The following CSRNP3 variants were observed in gnomAD, a reference collection of about 807,000 sequenced individuals.
The protein encoded by CSRNP3 is cysteine/serine-rich nuclear protein 3.
CSRNP3 carries 12 observed loss-of-function variants against 48.0 expected under a neutral mutation model. The ratio of observed to expected loss-of-function variants is 0.25; its 90% CI spans 0.16 to 0.41. The LOEUF (loss-of-function observed/expected upper bound fraction) is 0.41, where lower values mean the gene tolerates loss of function less well. Ranked by LOEUF, CSRNP3 falls within the 10% of genes least tolerant of loss-of-function variation. The pLI, the probability that CSRNP3 is intolerant of heterozygous loss-of-function variation, is 1.00. For synonymous variants in CSRNP3, 263 were observed against 269.7 expected, an observed-to-expected ratio of 0.98 and a Z score of 0.24; for missense variants, 580 against 724.4, an observed-to-expected ratio of 0.80 and a Z score of 2.29.
rs185410935 is a variant in CSRNP3, at chr2:165,681,982, A to T, written c.*2229A>T. On this transcript the variant is annotated 3_prime_UTR_variant, in exon 7 of 7. Transcript: ENST00000651982. ...CTTCATTCAAGCACATGAAAGGATC[A>T]TGTGTACTGTATTTGCTGGACCATT... The T allele has an allele frequency of 2.6e-5, 4 of 151,762 alleles. No homozygotes were observed. The highest frequency in any genetic ancestry group is 9.7e-5 in the African/African-American group (4 of 41,398). 9.4% of individuals were successfully genotyped at this position (151,762 alleles called of 1,614,324 possible).
intron 1 of CSRNP3, among the ~76,000 whole-genome samples, chr2:165,471,759 G>A (rs956426558): frequency 6.6e-6 from 1 of 151,902 alleles, no homozygotes; most frequent in Non-Finnish European, 1.5e-5. Context: ...GCAGACGTCT[G>A]CAAGTCTTAT....
chr2:165,527,583 C>T (rs1285951485), intron 3 of CSRNP3, among the ~76,000 whole-genome samples: 1 of 152,082 alleles, frequency 6.6e-6, no homozygotes, highest in Admixed American at 6.5e-5. Context: ...ATATCACACA[C>T]ACACATGCAT....
chr2:165,530,850 C>G (rs1034154656), intron 3 of CSRNP3, among the ~76,000 whole-genome samples: 1 of 151,728 alleles, frequency 6.6e-6, no homozygotes, highest in East Asian at 1.9e-4. Context: ...TTATATCACT[C>G]GTGATTATCT....
intron 4 of CSRNP3, among the ~76,000 whole-genome samples, chr2:165,636,456 TTGAGA>T (rs1484526086): frequency 6.6e-6 from 1 of 152,220 alleles, no homozygotes; most frequent in Non-Finnish European, 1.5e-5. Flanking sequence ...GACACGTGTC[TTGAGA>T]TATTTTCCCA....
chr2:165,502,560 G>T (rs1302854607), intron 2 of CSRNP3, among the ~76,000 whole-genome samples: 3 of 152,008 alleles, frequency 2.0e-5, no homozygotes, highest in South Asian at 2.1e-4. Flanking sequence ...ATAGTTAAAA[G>T]GGTATTGTTT....
chr2:165,661,603 A>G (rs1261735578), intron 5 of CSRNP3, among the ~76,000 whole-genome samples: 4 of 152,210 alleles, frequency 2.6e-5, no homozygotes, highest in South Asian at 4.1e-4. Flanking sequence ...AAGCCAAACC[A>G]TCATAAACCA....
chr2:165,477,287 A>T (rs1009489086), intron 1 of CSRNP3, among the ~76,000 whole-genome samples: 104 of 151,500 alleles, frequency 6.9e-4, no homozygotes, highest in Non-Finnish European at 9.6e-4. Context: ...TTTCTATGCT[A>T]ACGTACACTA....
intron 3 of CSRNP3, among the ~76,000 whole-genome samples, chr2:165,593,732 A>G (rs1685762312): frequency 1.3e-5 from 2 of 152,212 alleles, no homozygotes; most frequent in Non-Finnish European, 1.5e-5. Context: ...TGGCGGAAAA[A>G]GGAGACAATG....
At chr2:165,638,389 T>C (rs915007569) in intron 4 of CSRNP3, among the ~76,000 whole-genome samples, 8 of 151,854 alleles carry the variant, frequency 5.3e-5, no homozygotes, top group Admixed American at 3.9e-4. Flanking sequence ...TGAACCCAGG[T>C]GGCGGATATT....
At chr2:165,655,462 GTACAGCACATGGGA>G (rs1293953461) in intron 4 of CSRNP3, among the ~76,000 whole-genome samples, 2 of 152,132 alleles carry the variant, frequency 1.3e-5, no homozygotes, top group Non-Finnish European at 2.9e-5. Flanking sequence ...TCCCCGCATA[GTACAGCACATGGGA>G]AACACTCCAT....
intron 2 of CSRNP3, among the ~76,000 whole-genome samples, chr2:165,516,009 T>C (rs904097696): frequency 6.6e-6 from 1 of 152,108 alleles, no homozygotes; most frequent in African/African-American, 2.4e-5. Flanking sequence ...TTTCACCATG[T>C]TGGCCAGGCT....
intron 4 of CSRNP3, among the ~76,000 whole-genome samples, chr2:165,651,355 G>C (rs1686899535): frequency 6.6e-6 from 1 of 152,178 alleles, no homozygotes; most frequent in South Asian, 2.1e-4. Context: ...AGTGTGGAAA[G>C]AGAAAAATCA....
intron 3 of CSRNP3, among the ~76,000 whole-genome samples, chr2:165,533,546 T>G (rs558331514): frequency 1.1e-4 from 17 of 152,068 alleles, no homozygotes; most frequent in Non-Finnish European, 1.9e-4. Flanking sequence ...CTTCCAGAGG[T>G]TTATTGATGC....
intron 2 of CSRNP3, among the ~76,000 whole-genome samples, chr2:165,508,270 G>A (rs1684455386): frequency 1.3e-5 from 2 of 152,078 alleles, no homozygotes; most frequent in South Asian, 4.2e-4. Context: ...GTAAGATTAA[G>A]TAACCCTGCA....
At chr2:165,524,252 G>C (rs1181028647) in intron 3 of CSRNP3, among the ~76,000 whole-genome samples, 4 of 152,128 alleles carry the variant, frequency 2.6e-5, no homozygotes, top group Non-Finnish European at 5.9e-5. Flanking sequence ...TTATTGAGTA[G>C]ATGGTACTAA....
At chr2:165,578,580 T>G (rs1685490461) in intron 3 of CSRNP3, among the ~76,000 whole-genome samples, 1 of 152,064 alleles carries the variant, frequency 6.6e-6, no homozygotes, top group Non-Finnish European at 1.5e-5. Flanking sequence ...ATTTGGAGAA[T>G]AGCTTATCAT....
intron 2 of CSRNP3, among the ~76,000 whole-genome samples, chr2:165,511,901 G>T (rs1477323076): frequency 6.6e-6 from 1 of 152,274 alleles, no homozygotes; most frequent in African/African-American, 2.4e-5. Context: ...AGCAGGAGGA[G>T]AACTGAATTT....
At chr2:165,664,001 C>A (rs1573953883) in intron 5 of CSRNP3, among the ~76,000 whole-genome samples, 2 of 152,158 alleles carry the variant, frequency 1.3e-5, no homozygotes, top group East Asian at 3.8e-4. Flanking sequence ...TATGTCGATA[C>A]TATCATCATC....
At chr2:165,642,895 G>A (rs1686747543) in intron 4 of CSRNP3, among the ~76,000 whole-genome samples, 1 of 152,096 alleles carries the variant, frequency 6.6e-6, no homozygotes, top group Non-Finnish European at 1.5e-5. Flanking sequence ...TTTCAAATTT[G>A]CTCTGTGCTG....
Sources: gnomAD v4.1 joint callset for allele counts (sites outside exome capture counted in the v4.1 genomes callset) on GRCh38, gnomAD v4.1.1 for gene constraint, MANE v1.5 for transcripts, NCBI Gene and HGNC (gene_info 2026-07-23, HGNC 2026-07-21) for gene names.